Variants in DCK observed in about 807,000 individuals in gnomAD.
DCK encodes deoxycytidine kinase, also known as deoxyadenosine kinase.
In DCK, 23 loss-of-function variants were observed where a neutral mutation model predicts 38.3. The ratio of observed to expected loss-of-function variants is 0.60; its 90% confidence interval spans 0.43 to 0.85. DCK has a LOEUF of 0.85. DCK is among the 40% of genes least tolerant of loss of function. The pLI is 0.00. For synonymous variants in DCK, 108 were observed against 100.6 expected, an observed-to-expected ratio of 1.07 and a Z score of -0.44; for missense variants, 259 against 304.4, an observed-to-expected ratio of 0.85 and a Z score of 1.11.
chr4:71,017,444 A>T (rs186189807), intron 2 of DCK, among the ~76,000 whole-genome samples: 2 of 152,292 alleles, frequency 1.3e-5, no homozygotes, highest in East Asian at 3.9e-4. Context: ...TACCCAAAGG[A>T]TTATAAATCA....
intron 2 of DCK, among the ~76,000 whole-genome samples, chr4:71,015,224 C>G (rs1486447682): frequency 6.6e-6 from 1 of 152,150 alleles, no homozygotes; most frequent in Non-Finnish European, 1.5e-5. Flanking sequence ...TGTCACAAGA[C>G]TAAACCAGGA....
intron 1 of DCK, 131 bp from the exon 2 acceptor site, chr4:70,997,936 A>C: frequency 4.2e-6 from 2 of 475,778 alleles, no homozygotes; most frequent in South Asian, 8.8e-5. Flanking sequence ...ATGAAGAGAA[A>C]GTTTAGAAAG....
chr4:70,998,008 C>A, intron 1 of DCK, 59 bp from the exon 2 acceptor site: 1 of 812,170 alleles, frequency 1.2e-6, no homozygotes, highest in Non-Finnish European at 2.0e-6. Flanking sequence ...CTAATGACTA[C>A]TTGACATCTT....
Position 71,026,671 on chromosome 4 carries a change from C to A in DCK, c.672C>A (p.Asn224Lys), listed in dbSNP as rs1266223071. The change falls in exon 6 of 7, where the codon AAC becomes AAA. Residue 224 changes from asparagine (N) to lysine (K), a missense_variant. Physicochemically the swap from Asn to Lys is moderately conservative, Grantham distance 94. Coordinates refer to ENST00000286648, the MANE Select transcript of DCK (RefSeq NM_000788.3). ...AATCTCTCTTTTTAAACAGAACCAA[C>A]TTCGATTATCTTCAAGAGGTGCCTA... ...SWLLHRTLKT[N>K]FDYLQEVPIL... 1 of 1,506,468 alleles carries A rather than the reference C, an allele frequency of 6.6e-7. No homozygotes were observed. The highest frequency in any genetic ancestry group is 1.8e-5 in the Admixed American group (1 of 55,042). The allele number at this position is 1,506,468 out of a possible 1,614,324, so 93.3% of individuals were successfully genotyped here.
intron 2 of DCK, among the ~76,000 whole-genome samples, chr4:71,016,142 GACAA>G (rs1740255520): frequency 6.6e-6 from 1 of 152,250 alleles, no homozygotes; most frequent in African/African-American, 2.4e-5. Flanking sequence ...ACCAATAACA[GACAA>G]ACAGAGAGCC....
intron 4 of DCK, among the ~76,000 whole-genome samples, chr4:71,024,213 C>G (rs1268656716): frequency 6.6e-6 from 1 of 152,054 alleles, no homozygotes; most frequent in Non-Finnish European, 1.5e-5. Context: ...TTGTTTGTGC[C>G]TTGGAATGAG....
chr4:70,994,539 A>T (rs1241957542), intron 1 of DCK, among the ~76,000 whole-genome samples: 1 of 152,102 alleles, frequency 6.6e-6, no homozygotes, highest in African/African-American at 2.4e-5. Context: ...AAATTCATTC[A>T]TGTTACTTGT....
intron 1 of DCK, among the ~76,000 whole-genome samples, chr4:70,994,754 G>T (rs1156962739): frequency 6.6e-6 from 1 of 152,150 alleles, no homozygotes; most frequent in Admixed American, 6.5e-5. Flanking sequence ...TTAATAGCAT[G>T]GAGTTCCTCA....
At chr4:71,001,553 A>G (rs1739800989) in intron 2 of DCK, among the ~76,000 whole-genome samples, 1 of 152,114 alleles carries the variant, frequency 6.6e-6, no homozygotes, top group Admixed American at 6.6e-5. Flanking sequence ...GAAGTTTCAG[A>G]AGGAATAGTA....
chr4:70,994,520 A>T (rs1739615687), intron 1 of DCK, among the ~76,000 whole-genome samples: 1 of 152,148 alleles, frequency 6.6e-6, no homozygotes, highest in Non-Finnish European at 1.5e-5. Flanking sequence ...ATTTAGCATA[A>T]TGCTTTTGAA....
chr4:71,010,679 A>G (rs893544107), intron 2 of DCK, among the ~76,000 whole-genome samples: 34 of 147,664 alleles, frequency 2.3e-4, no homozygotes, highest in African/African-American at 7.6e-4. Flanking sequence ...TATATAATAT[A>G]AAAATTATAT....
intron 6 of DCK, 112 bp downstream of exon 6, chr4:71,026,867 A>T (rs1740559192): frequency 1.7e-6 from 1 of 587,918 alleles, no homozygotes; most frequent in African/African-American, 2.0e-5. Flanking sequence ...ATTAAGAAAC[A>T]GTTAAGAGCT....
chr4:71,018,821 G>C (rs1459991657), intron 2 of DCK, among the ~76,000 whole-genome samples: 1 of 151,676 alleles, frequency 6.6e-6, no homozygotes, highest in Non-Finnish European at 1.5e-5. Flanking sequence ...ACAGGTGCAC[G>C]CCACCATACC....
chr4:71,022,607 G>A (rs878885678), intron 3 of DCK, 47 bp downstream of exon 3: 2 of 1,109,848 alleles, frequency 1.8e-6, no homozygotes, highest in Non-Finnish European at 2.4e-6. Context: ...TTTTATCTTA[G>A]AACTGGACTT....
At chr4:71,016,566 G>A (rs1177436756) in intron 2 of DCK, among the ~76,000 whole-genome samples, 1 of 152,148 alleles carries the variant, frequency 6.6e-6, no homozygotes, top group South Asian at 2.1e-4. Flanking sequence ...AAACAGCATG[G>A]TACTGGTACC....
At chr4:71,005,845 G>A (rs1380728225) in intron 2 of DCK, among the ~76,000 whole-genome samples, 1 of 151,400 alleles carries the variant, frequency 6.6e-6, no homozygotes, top group African/African-American at 2.4e-5. Flanking sequence ...AGCAAATAAG[G>A]CCGGGTGCGG....
chr4:70,993,780 G>C lies in DCK; in HGVS notation c.-56G>C. 1 of 1,300,484 alleles carries C rather than the reference G, an allele frequency of 7.7e-7. No homozygotes were observed. Among genetic ancestry groups the C allele is most frequent in the South Asian group, 1.2e-5 (1 of 80,674 alleles). The allele number at this position is 1,300,484 out of a possible 1,614,324, so 80.6% of individuals were successfully genotyped here. ...CGCGAGCTCCAGTGCGCGCACCCGT[G>C]GCCGCCTCCCAGCCCTCTTTGCCGG... On this transcript the variant is annotated 5_prime_UTR_variant, in exon 1 of 7. Transcript: ENST00000286648.
intron 2 of DCK, among the ~76,000 whole-genome samples, chr4:71,009,949 C>T (rs894951930): frequency 6.6e-6 from 1 of 152,116 alleles, no homozygotes; most frequent in South Asian, 2.1e-4. Flanking sequence ...GTATGAATCA[C>T]CCACTATTCA....
chr4:71,015,903 A>G (rs1282097387), intron 2 of DCK, among the ~76,000 whole-genome samples: 2 of 152,216 alleles, frequency 1.3e-5, no homozygotes, highest in Non-Finnish European at 2.9e-5. Context: ...CACCACTCCT[A>G]TTCAACATAG....
Sources: allele counts gnomAD v4.1 joint callset (sites outside exome capture counted in the v4.1 genomes callset), GRCh38; gene constraint gnomAD v4.1.1; transcripts MANE v1.5; gene names NCBI Gene and HGNC (gene_info 2026-07-23, HGNC 2026-07-21).